XKR9: variants seen among roughly 807,000 people sequenced by gnomAD.
XKR9 encodes the protein XK related 9.
Under a neutral mutation model 32.0 loss-of-function variants are expected in XKR9, and 32 were observed. The observed-to-expected ratio is 1.00, with a 90% CI of 0.76 to 1.34. The LOEUF (loss-of-function observed/expected upper bound fraction) is 1.34. Ranked by LOEUF, XKR9 falls within the 40% of genes most tolerant of loss-of-function variation. The pLI is 0.00. For missense variants in XKR9, 546 were observed against 429.7 expected, an observed-to-expected ratio of 1.27 and a Z score of -2.39; for synonymous variants, 168 against 143.4, an observed-to-expected ratio of 1.17 and a Z score of -1.22.
chr8:70,886,510 T>G, the XKR9 span, among the ~76,000 whole-genome samples: 1 of 152,232 alleles, frequency 6.6e-6, no homozygotes, highest in African/African-American at 2.4e-5. Context: ...CTACCAACAG[T>G]GTAAAAGAGT....
At chr8:70,807,217 G>A in the XKR9 span, among the ~76,000 whole-genome samples, 1 of 152,140 alleles carries the variant, frequency 6.6e-6, no homozygotes, top group African/African-American at 2.4e-5. Context: ...CAAATGCTGA[G>A]AGATTTCATT....
At chr8:70,946,350 C>A in the XKR9 span, among the ~76,000 whole-genome samples, 1 of 151,752 alleles carries the variant, frequency 6.6e-6, no homozygotes, top group Non-Finnish European at 1.5e-5. Flanking sequence ...TTTGTCATAT[C>A]CTGAAAGCAC....
chr8:70,780,154 A>T (rs887128706), intron 2 of XKR9, among the ~76,000 whole-genome samples: 1 of 151,568 alleles, frequency 6.6e-6, no homozygotes, highest in South Asian at 2.1e-4. Flanking sequence ...TCTCTTTTTT[A>T]TCTAAAGGTT....
intron 3 of XKR9, among the ~76,000 whole-genome samples, chr8:70,697,547 G>C (rs1404498394): frequency 6.7e-6 from 1 of 149,796 alleles, no homozygotes; most frequent in Non-Finnish European, 1.5e-5. Flanking sequence ...CTTGATCATG[G>C]TGGATAAGCT....
chr8:71,011,008 T>G, the XKR9 span, among the ~76,000 whole-genome samples: 1 of 152,128 alleles, frequency 6.6e-6, no homozygotes, highest in Non-Finnish European at 1.5e-5. Flanking sequence ...TTAATTACGA[T>G]CCCTTTTTTA....
chr8:70,802,704 C>T, the XKR9 span, among the ~76,000 whole-genome samples: 7 of 152,174 alleles, frequency 4.6e-5, no homozygotes, highest in Non-Finnish European at 8.8e-5. Context: ...ATTTGCTTGT[C>T]TGAAAAGGAT....
At chr8:71,061,167 T>G in the XKR9 span, among the ~76,000 whole-genome samples, 4 of 152,216 alleles carry the variant, frequency 2.6e-5, no homozygotes, top group African/African-American at 9.6e-5. Flanking sequence ...GGTTACATAC[T>G]AGTAAGTTGC....
chr8:71,060,402 C>T, the XKR9 span, among the ~76,000 whole-genome samples: 210 of 152,312 alleles, frequency 1.4e-3, 1 homozygote, highest in African/African-American at 4.8e-3. Flanking sequence ...CCTCCAGGTG[C>T]GGGTGTCCTC....
the XKR9 span, among the ~76,000 whole-genome samples, chr8:70,877,237 A>G: frequency 6.6e-6 from 1 of 152,158 alleles, no homozygotes; most frequent in Non-Finnish European, 1.5e-5. Flanking sequence ...CCCATGATTC[A>G]TTTATCTCCA....
At chr8:70,978,572 T>C in the XKR9 span, among the ~76,000 whole-genome samples, 4 of 152,248 alleles carry the variant, frequency 2.6e-5, no homozygotes, top group Non-Finnish European at 4.4e-5. Context: ...CCCCACTCTC[T>C]TGTGGCTTGT....
intron 2 of XKR9, among the ~76,000 whole-genome samples, chr8:70,768,197 G>A (rs1807404422): frequency 6.6e-6 from 1 of 152,142 alleles, no homozygotes. Flanking sequence ...TGATTCGGGA[G>A]CAGGTTGTTC....
At chr8:70,726,478 C>G (rs973858410) in intron 4 of XKR9, among the ~76,000 whole-genome samples, 4 of 152,066 alleles carry the variant, frequency 2.6e-5, no homozygotes, top group African/African-American at 9.7e-5. Context: ...CAATGGGTGC[C>G]CAAACTCTTG....
At chr8:70,688,434 T>G (rs560354479) in intron 3 of XKR9, among the ~76,000 whole-genome samples, 16 of 151,844 alleles carry the variant, frequency 1.1e-4, no homozygotes, top group African/African-American at 2.4e-4. Flanking sequence ...TTTTTTTTTT[T>G]GGGATGGAGT....
At chr8:70,785,737 CTCTATA>C (rs1157792678) in intron 2 of XKR9, among the ~76,000 whole-genome samples, 70 of 115,686 alleles carry the variant, frequency 6.1e-4, no homozygotes, top group African/African-American at 1.3e-3. Flanking sequence ...CTCTCTCTCT[CTCTATA>C]TATATATATA....
the XKR9 span, among the ~76,000 whole-genome samples, chr8:71,050,628 T>G: frequency 6.6e-6 from 1 of 152,026 alleles, no homozygotes; most frequent in Non-Finnish European, 1.5e-5. Context: ...GGGGTGGATA[T>G]GGGATGTGAG....
chr8:70,690,691 A>G (rs1392392884), intron 3 of XKR9, among the ~76,000 whole-genome samples: 2 of 152,018 alleles, frequency 1.3e-5, no homozygotes, highest in African/African-American at 4.8e-5. Context: ...TTGGTTTTCT[A>G]TTCCTACGTT....
the XKR9 span, among the ~76,000 whole-genome samples, chr8:70,817,772 C>A: frequency 1.3e-5 from 2 of 152,088 alleles, no homozygotes; most frequent in Non-Finnish European, 2.9e-5. Context: ...GGTATATAGA[C>A]CAATATAACA....
downstream of XKR9, among the ~76,000 whole-genome samples, chr8:70,739,639 A>T (rs1243894522): frequency 3.3e-5 from 5 of 151,972 alleles, no homozygotes; most frequent in African/African-American, 9.7e-5. Flanking sequence ...TGCTTCCTTC[A>T]GGAGCTCTTT....
intron 2 of XKR9, among the ~76,000 whole-genome samples, chr8:70,782,275 G>A (rs934503917): frequency 6.6e-6 from 1 of 151,904 alleles, no homozygotes; most frequent in Non-Finnish European, 1.5e-5. Flanking sequence ...ATTTTTTATT[G>A]TAAATTGACA....
Sources: gnomAD v4.1 joint callset for allele counts (sites outside exome capture counted in the v4.1 genomes callset) on GRCh38, gnomAD v4.1.1 for gene constraint, MANE v1.5 for transcripts, NCBI Gene and HGNC (gene_info 2026-07-23, HGNC 2026-07-21) for gene names.